Variants in KAT6B observed in about 807,000 individuals in gnomAD.
KAT6B encodes the protein lysine acetyltransferase 6B.
A neutral mutation model predicts 187.5 loss-of-function variants in KAT6B; 10 were observed. That is an observed-to-expected ratio of 0.05 (90% CI 0.03 to 0.09). The LOEUF (loss-of-function observed/expected upper bound fraction) is 0.09, where lower values mean the gene tolerates loss of function less well. Ranked by LOEUF, KAT6B falls within the 10% of genes least tolerant of loss-of-function variation. KAT6B has a pLI of 1.00. For synonymous variants in KAT6B, 861 were observed against 926.8 expected (o/e 0.93, Z 1.29); for missense variants, 1,952 against 2,558.9 (o/e 0.76, Z 5.12).
chr10:74,887,228 G>A (rs1404269454), intron 3 of KAT6B, among the ~76,000 whole-genome samples: 1 of 152,140 alleles, frequency 6.6e-6, no homozygotes, highest in Non-Finnish European at 1.5e-5. Context: ...GGAGAGAGGG[G>A]TGGGGTGACA....
intron 3 of KAT6B, among the ~76,000 whole-genome samples, chr10:74,921,305 G>C (rs181273426): frequency 7.2e-5 from 11 of 152,212 alleles, no homozygotes; most frequent in Middle Eastern, 3.4e-3. Flanking sequence ...GTAGAGACAA[G>C]ATTTTATCAT....
intron 13 of KAT6B, among the ~76,000 whole-genome samples, chr10:75,019,870 C>T (rs1233590554): frequency 1.3e-5 from 2 of 151,276 alleles, no homozygotes; most frequent in Non-Finnish European, 2.9e-5. Flanking sequence ...ATTTTCTGAG[C>T]ATACATGCAA....
At chr10:74,999,319 C>G (rs1224179264) in intron 13 of KAT6B, among the ~76,000 whole-genome samples, 4 of 152,194 alleles carry the variant, frequency 2.6e-5, no homozygotes, top group Non-Finnish European at 5.9e-5. Context: ...TGTCTACGTG[C>G]ACTTTGCACA....
chr10:74,957,380 G>A (rs531917111), intron 3 of KAT6B, among the ~76,000 whole-genome samples: 2 of 152,312 alleles, frequency 1.3e-5, no homozygotes, highest in South Asian at 2.1e-4. Context: ...GGCGGGGTTC[G>A]CTTGAATGTA....
chr10:74,955,992 C>T (rs1476789185), intron 3 of KAT6B, among the ~76,000 whole-genome samples: 1 of 152,198 alleles, frequency 6.6e-6, no homozygotes, highest in East Asian at 1.9e-4. Flanking sequence ...GGTGCAATCA[C>T]GACTCATTGC....
At chr10:74,852,310 A>G (rs1031251689) in intron 3 of KAT6B, among the ~76,000 whole-genome samples, 8 of 152,226 alleles carry the variant, frequency 5.3e-5, no homozygotes, top group African/African-American at 1.9e-4. Flanking sequence ...AATAACCTGC[A>G]TTTTGGAATT....
chr10:74,829,352 G>A (rs374357272), intron 1 of KAT6B, among the ~76,000 whole-genome samples: 3 of 152,122 alleles, frequency 2.0e-5, no homozygotes, highest in African/African-American at 7.2e-5. Flanking sequence ...AGTAAAAGAC[G>A]TAACTAAGTG....
intron 3 of KAT6B, among the ~76,000 whole-genome samples, chr10:74,894,487 T>G (rs1351667244): frequency 6.6e-6 from 1 of 152,244 alleles, no homozygotes; most frequent in African/African-American, 2.4e-5. Context: ...TAGTGTTAAC[T>G]GTATGCAACA....
At chr10:74,871,421 G>C (rs771292290) in intron 3 of KAT6B, among the ~76,000 whole-genome samples, 2 of 151,924 alleles carry the variant, frequency 1.3e-5, no homozygotes, top group Non-Finnish European at 2.9e-5. Flanking sequence ...TCGAACTCCT[G>C]ACCTCAAGTG....
chr10:74,985,780 C>T (rs940012026), intron 12 of KAT6B, among the ~76,000 whole-genome samples: 1 of 152,184 alleles, frequency 6.6e-6, no homozygotes, highest in African/African-American at 2.4e-5. Flanking sequence ...GGCTCAGTGG[C>T]TTACGCGTGT....
At chr10:75,001,700 G>GT (rs150522221) in intron 13 of KAT6B, among the ~76,000 whole-genome samples, 2,005 of 152,294 alleles carry the variant, frequency 0.013, 55 homozygotes, top group African/African-American at 0.046. Flanking sequence ...ACTTAAGAGT[G>GT]TTTTTAAGTA....
chr10:75,018,362 TCAGGAGACAGCCA>T (rs1344792140), intron 13 of KAT6B, among the ~76,000 whole-genome samples: 1 of 152,200 alleles, frequency 6.6e-6, no homozygotes, highest in African/African-American at 2.4e-5. Flanking sequence ...AGGGAGTGTC[TCAGGAGACAGCCA>T]CTTAACATGG....
At chr10:74,876,962 C>T (rs556431086) in intron 3 of KAT6B, among the ~76,000 whole-genome samples, 1 of 151,794 alleles carries the variant, frequency 6.6e-6, no homozygotes, top group Non-Finnish European at 1.5e-5. Flanking sequence ...TTTGTTTGGC[C>T]CTTGTCAGGG....
At chr10:74,924,424 G>A (rs1848348686) in intron 3 of KAT6B, among the ~76,000 whole-genome samples, 1 of 152,190 alleles carries the variant, frequency 6.6e-6, no homozygotes, top group Non-Finnish European at 1.5e-5. Context: ...TTGGGTTAGA[G>A]GTTAATAGCA....
intron 13 of KAT6B, among the ~76,000 whole-genome samples, chr10:75,009,698 T>G (rs1262413933): frequency 6.6e-6 from 1 of 152,174 alleles, no homozygotes; most frequent in East Asian, 1.9e-4. Context: ...ACTTTAAGAT[T>G]CCCTAAGATT....
intron 13 of KAT6B, among the ~76,000 whole-genome samples, chr10:74,994,858 T>C (rs1303553584): frequency 6.6e-6 from 1 of 151,852 alleles, no homozygotes; most frequent in African/African-American, 2.4e-5. Flanking sequence ...AATGTGCCCA[T>C]TGCTGCTTGG....
intron 13 of KAT6B, among the ~76,000 whole-genome samples, chr10:75,014,888 T>A (rs1302974801): frequency 1.3e-5 from 2 of 152,302 alleles, no homozygotes; most frequent in East Asian, 3.9e-4. Flanking sequence ...AGGAGCTGAG[T>A]GAGGTCTTAC....
intron 3 of KAT6B, among the ~76,000 whole-genome samples, chr10:74,917,262 T>C (rs551306639): frequency 1.3e-5 from 2 of 152,326 alleles, no homozygotes; most frequent in Non-Finnish European, 2.9e-5. Context: ...GCAGTTTCCC[T>C]GATAACCACT....
intron 3 of KAT6B, among the ~76,000 whole-genome samples, chr10:74,847,213 A>C (rs1045544037): frequency 6.6e-6 from 1 of 152,260 alleles, no homozygotes; most frequent in South Asian, 2.1e-4. Flanking sequence ...GCATCATGCT[A>C]TAATGAGGAA....
Sources: allele counts gnomAD v4.1 joint callset (sites outside exome capture counted in the v4.1 genomes callset), GRCh38; gene constraint gnomAD v4.1.1; transcripts MANE v1.5; gene names NCBI Gene and HGNC (gene_info 2026-07-23, HGNC 2026-07-21).